Variants in RP1L1 observed in about 807,000 individuals in gnomAD.
The protein encoded by RP1L1 is RP1 like 1, also known as retinitis pigmentosa 1-like 1 protein.
Under a neutral mutation model 15.7 loss-of-function variants are expected in RP1L1, and 27 were observed. The ratio of observed to expected loss-of-function variants is 1.72; its 90% CI spans 1.27 to 2.38. The LOEUF is 2.38. RP1L1 is among the 30% of genes most tolerant of loss of function. RP1L1 has a pLI of 0.00. For missense variants in RP1L1, 4,798 were observed against 3,075.9 expected (o/e 1.56, Z -13.24); for synonymous variants, 1,813 against 1,276.7 (o/e 1.42, Z -8.96).
chr8:10,608,542 C>G lies in RP1L1; in HGVS notation c.5556G>C (p.Glu1852Asp), dbSNP rs1252948352. 4 of 1,600,646 alleles carry G rather than the reference C, an allele frequency of 2.5e-6. No homozygotes were observed. The highest frequency in any genetic ancestry group is 3.4e-6 in the Non-Finnish European group (4 of 1,170,320). ...GGGCATCCCCTTCTGCCTCTGGGGC[C>G]TCTACACCTTCTGACTCTGGCTGGG... ...GEAQPESEGVEAPEAEGDAQE... is the reference protein window; with the variant it reads ...GEAQPESEGVDAPEAEGDAQE... Residue 1852 changes from glutamate (E) to aspartate (D), a missense_variant, in exon 4 of 4, where the codon GAG becomes GAC. Transcript: ENST00000382483.
rs749313356 is a variant in RP1L1 at position 10,607,749 on chromosome 8, C to G, written c.6349G>C (p.Glu2117Gln). ...EGEAQKAEGI[E>Q]APETEGEAQP... ...GCCTCCCCTTCAGTCTCTGGGGCCT[C>G]TATACCTTCTGCCTTCTGGGCCTCC... Residue 2117 changes from glutamate to glutamine, a missense_variant, in exon 4 of 4, where the codon GAG becomes CAG. Physicochemically the swap from Glu to Gln is conservative, Grantham distance 29. Transcript: ENST00000382483. The G allele has an allele frequency of 1.2e-6, 2 of 1,612,264 alleles. No individual in the cohort carries two copies. Among genetic ancestry groups the G allele is most frequent in the Admixed American group, 3.3e-5 (2 of 59,902 alleles).
In RP1L1 at chr8:10,638,198, G is replaced by A. The variant is rs191144527; in HGVS notation, c.-19-14978C>T. The stretch of plus-strand genomic sequence containing the variant: ...TTACACACGTGAACCCAAAAATACC[G>A]ATATGCTTGCCCATGCAAATGAAAC... On this transcript the variant is annotated intron_variant, in intron 1 of 3. Transcript: ENST00000382483. Among the ~76,000 whole-genome samples, 179 of 152,346 alleles carry A rather than the reference G, an allele frequency of 1.2e-3. 1 individual carries two copies. Among genetic ancestry groups the A allele is most frequent in the Non-Finnish European group, 1.6e-3 (112 of 68,042 alleles).
chr8:10,635,855 G>A (rs961134023), intron 1 of RP1L1, among the ~76,000 whole-genome samples: 1 of 152,222 alleles, frequency 6.6e-6, no homozygotes. Flanking sequence ...ATCAGCAGAA[G>A]GCCACCAGGT....
At chr8:10,649,140 G>C (rs1322746604) in intron 1 of RP1L1, among the ~76,000 whole-genome samples, 1 of 152,214 alleles carries the variant, frequency 6.6e-6, no homozygotes, top group East Asian at 1.9e-4. Flanking sequence ...CAGTGGATTC[G>C]CAAAGCTTTC....
Position 10,622,947 on chromosome 8 carries a change from C to T in RP1L1, c.255G>A (p.Arg85=), listed in dbSNP as rs745567317. 1.1e-5 allele frequency: 18 copies of T among 1,613,912 alleles called. No individual in the cohort carries two copies. The highest frequency in any genetic ancestry group is 2.2e-5 in the East Asian group (1 of 44,892). Residue 85 remains arginine, a synonymous_variant, in exon 2 of 4, where the codon CGG becomes CGA. Coordinates refer to ENST00000382483, the MANE Select transcript of RP1L1 (RefSeq NM_178857.6). ...SFGVRSVTTP[R]GLHSLSALEQ... ...CCAGGGCGCTGAGGCTATGCAGGCCCCGGGGTGTGGTGACAGAGCGCACCC... is the reference window on the plus strand; with the variant it reads ...CCAGGGCGCTGAGGCTATGCAGGCCTCGGGGTGTGGTGACAGAGCGCACCC...
chr8:10,630,227 C>T (rs1023710941), intron 1 of RP1L1, among the ~76,000 whole-genome samples: 2 of 152,196 alleles, frequency 1.3e-5, no homozygotes, highest in Non-Finnish European at 2.9e-5. Context: ...ATCTTCAGTC[C>T]CTGACCTTTC....
At chr8:10,628,162 G>A (rs1798186629) in intron 1 of RP1L1, among the ~76,000 whole-genome samples, 1 of 152,158 alleles carries the variant, frequency 6.6e-6, no homozygotes, top group African/African-American at 2.4e-5. Context: ...TACTTGAATT[G>A]TCTGTGCTTC....
In RP1L1 at chr8:10,608,801, TCTCCCTCTGC is replaced by T; in HGVS notation, c.5287_5296del (p.Ala1763MetfsTer32). On this transcript the variant is annotated frameshift_variant, in exon 4 of 4. Coordinates refer to ENST00000382483, the MANE Select transcript of RP1L1 (RefSeq NM_178857.6). LOFTEE classifies it low-confidence loss of function (END_TRUNC). ...CCCTTCTCTCTCCTGAGCCATTGCA[TCTCCCTCTGC>T]CTCCCCGAGTTTGGGATCTTTGTCT... 1 of 1,614,150 alleles carries T rather than the reference TCTCCCTCTGC, an allele frequency of 6.2e-7. No individual in the cohort carries two copies. The highest frequency in any genetic ancestry group is 8.5e-7 in the Non-Finnish European group (1 of 1,180,024).
At chr8:10,620,539 G>A (rs546760650) in intron 2 of RP1L1, among the ~76,000 whole-genome samples, 2 of 152,322 alleles carry the variant, frequency 1.3e-5, no homozygotes, top group African/African-American at 4.8e-5. Context: ...CCAGGAGGCA[G>A]AGGTTGCAGT....
At position 10,651,882 on chromosome 8, in the gene RP1L1, G is replaced by A. The variant is rs140385014; in HGVS notation, c.-20+3016C>T. Among the ~76,000 whole-genome samples the A allele has an allele frequency of 1.9e-3, 284 of 151,942 alleles. 1 individual carries two copies. The highest frequency in any genetic ancestry group is 6.5e-3 in the African/African-American group (270 of 41,424). ...TCTGTCAATGACAGACCTCATCAATGACAGTGCCCCATGAGATGATCATGG... is the reference window on the plus strand; with the variant it reads ...TCTGTCAATGACAGACCTCATCAATAACAGTGCCCCATGAGATGATCATGG... On this transcript the variant is annotated intron_variant, in intron 1 of 3. Coordinates refer to ENST00000382483, the MANE Select transcript of RP1L1 (RefSeq NM_178857.6).
chr8:10,643,265 G>A (rs1798432485), intron 1 of RP1L1, among the ~76,000 whole-genome samples: 1 of 152,184 alleles, frequency 6.6e-6, no homozygotes, highest in South Asian at 2.1e-4. Flanking sequence ...GTTTGAGCCT[G>A]GGAGGTGGAG....
intron 1 of RP1L1, among the ~76,000 whole-genome samples, chr8:10,646,048 A>C (rs1798473000): frequency 6.6e-6 from 1 of 152,172 alleles, no homozygotes; most frequent in Admixed American, 6.5e-5. Flanking sequence ...AACAAGATAG[A>C]AGCCGTCCCT....
In RP1L1 at chr8:10,610,412, T is replaced by A. The variant is rs1797822971; in HGVS notation, c.3686A>T (p.Glu1229Val). The change falls in exon 4 of 4, where the codon GAG (glutamate) becomes GTG (valine). Residue 1229 changes from glutamate to valine, a missense_variant. Glu to Val is a moderately radical substitution (Grantham distance 121). Transcript: ENST00000382483. ...CTGGTTGGAGGTTTTCAGGGGCAGC[T>A]CTGTCCCCTGTGTCACCAGGGTGCC... ...MDGTLVTQGT[E>V]LPLKTSNQRP... is the part of the protein sequence containing the mutation. 6.2e-7 allele frequency: 1 copy of A among 1,613,838 alleles called. No homozygotes were observed.
intron 3 of RP1L1, among the ~76,000 whole-genome samples, chr8:10,615,031 C>A (rs1797942940): frequency 6.6e-6 from 1 of 152,112 alleles, no homozygotes; most frequent in Non-Finnish European, 1.5e-5. Flanking sequence ...CCCAGGTGCA[C>A]ATCTGGGCAG....
intron 2 of RP1L1, among the ~76,000 whole-genome samples, chr8:10,619,018 G>T (rs62492260): frequency 0.14 from 20,578 of 152,040 alleles, 1,646 homozygotes; most frequent in South Asian, 0.35. Context: ...CTACAGGCAC[G>T]CACCACCATG....
At chr8:10,641,559 G>A (rs1052983432) in intron 1 of RP1L1, among the ~76,000 whole-genome samples, 1 of 152,206 alleles carries the variant, frequency 6.6e-6, no homozygotes, top group Non-Finnish European at 1.5e-5. Context: ...ATTTTTAGAT[G>A]ATGGCACCTA....
intron 1 of RP1L1, among the ~76,000 whole-genome samples, chr8:10,636,461 G>T (rs573054377): frequency 1.3e-5 from 2 of 152,242 alleles, no homozygotes; most frequent in East Asian, 3.9e-4. Context: ...CTGCCCTGTG[G>T]GGCTGTAGTG....
Position 10,612,817 on chromosome 8 carries a change from T to A in RP1L1, c.1281A>T (p.Gly427=). The A allele has an allele frequency of 1.2e-6, 2 of 1,611,910 alleles. No homozygotes were observed. Among genetic ancestry groups the A allele is most frequent in the Non-Finnish European group, 1.7e-6 (2 of 1,179,858 alleles). Reference sequence around the variant, plus strand: ...CACTGCAGCGGACGTGCTGGGCCAGTCCCCACCTCTTCCGAGCTGCCACTC... The same window carrying A: ...CACTGCAGCGGACGTGCTGGGCCAGACCCCACCTCTTCCGAGCTGCCACTC... ...GERVAARKRW[G]LAQHVRCSGL... Residue 427 remains glycine, a synonymous_variant, in exon 4 of 4, where the codon GGA becomes GGT. Transcript: ENST00000382483.
intron 1 of RP1L1, among the ~76,000 whole-genome samples, chr8:10,635,273 G>A (rs986732735): frequency 4.7e-5 from 7 of 150,466 alleles, no homozygotes; most frequent in African/African-American, 2.5e-5. Flanking sequence ...GTTAGCCTCA[G>A]CAGCCCATAA....
Sources: gnomAD v4.1 joint callset for allele counts (sites outside exome capture counted in the v4.1 genomes callset) on GRCh38, gnomAD v4.1.1 for gene constraint, MANE v1.5 for transcripts, NCBI Gene and HGNC (gene_info 2026-07-23, HGNC 2026-07-21) for gene names.